DGAT1: variants seen among roughly 807,000 people sequenced by gnomAD.
DGAT1 encodes ACAT related gene product 1.
A neutral mutation model predicts 72.6 loss-of-function variants in DGAT1; 60 were observed. The observed-to-expected ratio is 0.83, with a 90% CI of 0.67 to 1.02. DGAT1 has a LOEUF of 1.02. DGAT1 is among the 50% of genes least tolerant of loss of function. The pLI, the probability that DGAT1 is intolerant of heterozygous loss-of-function variation, is 0.00. For missense variants in DGAT1, 592 were observed against 670.0 expected, an observed-to-expected ratio of 0.88 and a Z score of 1.29; for synonymous variants, 290 against 267.5, an observed-to-expected ratio of 1.08 and a Z score of -0.82.
At chr8:144,325,377 G>C (rs920401623) in intron 1 of DGAT1, among the ~76,000 whole-genome samples, 1 of 152,168 alleles carries the variant, frequency 6.6e-6, no homozygotes, top group African/African-American at 2.4e-5. Flanking sequence ...TGAGGGCCAC[G>C]ACAGTGCCTG....
At position 144,314,676 on chromosome 8, in the gene DGAT1, G is replaced by A. The variant is rs1327995702; in HGVS notation, c.*1878C>T. On this transcript the variant is annotated 3_prime_UTR_variant, in exon 17 of 17. Transcript: ENST00000528718. ...CACAGATATATACACACAGTGGATGGACGGACAAGACAGGCAGAGATCTAT... is the reference window on the plus strand; with the variant it reads ...CACAGATATATACACACAGTGGATGAACGGACAAGACAGGCAGAGATCTAT... 1.3e-5 allele frequency: 4 copies of A among 303,292 alleles called. No individual in the cohort carries two copies. Among genetic ancestry groups the A allele is most frequent in the African/African-American group, 8.4e-5 (4 of 47,852 alleles). The allele number at this position is 303,292 out of a possible 1,614,324, so 18.8% of individuals were successfully genotyped here. A position where few individuals can be genotyped will look rare whatever the true frequency, so the allele number is the denominator to read the frequency against.
Position 144,315,877 on chromosome 8 carries a change from C to A in DGAT1, c.*677G>T. 1 of 985,704 alleles carries A rather than the reference C, an allele frequency of 1.0e-6. No homozygotes were observed. Among genetic ancestry groups the A allele is most frequent in the Non-Finnish European group, 1.2e-6 (1 of 830,134 alleles). The allele number at this position is 985,704 out of a possible 1,614,324, so 61.1% of individuals were successfully genotyped here. On this transcript the variant is annotated 3_prime_UTR_variant, in exon 17 of 17. Transcript: ENST00000528718. ...ATAGCCATTGTGTACCGTAGCCCCT[C>A]GGCTCACCAGACCCACACCAGAAAG...
rs1554847800 is a variant in DGAT1, at chr8:144,319,030, G to C, written c.327C>G (p.Ile109Met). The change falls in exon 3 of 17, where the codon ATC becomes ATG. Residue 109 changes from isoleucine (I) to methionine (M), a missense_variant and splice_region_variant. Transcript: ENST00000528718. ...TGGGACCTGGCAAAGGCACTCACTT[G>C]ATGAGGTTCTCCAGAAATAACCGGG... ...SNARLFLENL[I>M]KYGILVDPIQ... is the part of the protein sequence containing the mutation. 9 of 1,558,824 alleles carry C rather than the reference G, an allele frequency of 5.8e-6. No individual in the cohort carries two copies. The South Asian group carries it at 1.1e-4, about 18-fold the overall frequency.
chr8:144,324,743 C>G (rs1257745857), intron 1 of DGAT1, among the ~76,000 whole-genome samples: 2 of 152,028 alleles, frequency 1.3e-5, no homozygotes, highest in East Asian at 3.9e-4. Flanking sequence ...TGGCCCAAAG[C>G]TGGGACTACC....
chr8:144,320,577 A>T (rs1436587570), intron 2 of DGAT1, among the ~76,000 whole-genome samples: 1 of 152,034 alleles, frequency 6.6e-6, no homozygotes, highest in Non-Finnish European at 1.5e-5. Context: ...TGAGTTGGGG[A>T]GGCTGGGCCC....
chr8:144,315,983 G>A lies in DGAT1; in HGVS notation c.*571C>T, dbSNP rs534106980. 13 of 978,992 alleles carry A rather than the reference G, an allele frequency of 1.3e-5. 1 individual carries two copies. In the South Asian group the frequency reaches 5.7e-4, roughly 43 times the overall value. The allele number at this position is 978,992 out of a possible 1,614,324, so 60.6% of individuals were successfully genotyped here. The stretch of plus-strand genomic sequence containing the variant: ...CCCAGGGCCGACCTCTTCCCAAGCT[G>A]AAGCTGAGCACGGTGGGTGCAAGTT... On this transcript the variant is annotated 3_prime_UTR_variant, in exon 17 of 17. Transcript: ENST00000528718.
intron 12 of DGAT1, 38 bp downstream of exon 12, chr8:144,317,506 C>A: frequency 6.2e-7 from 1 of 1,613,754 alleles, no homozygotes; most frequent in Non-Finnish European, 8.5e-7. Flanking sequence ...GCCACTGTCC[C>A]CTCCTGTCCT....
At chr8:144,316,735 C>A (rs367833626) in intron 16 of DGAT1, 26 bp from the exon 17 acceptor site, 1 of 1,607,592 alleles carries the variant, frequency 6.2e-7, no homozygotes, top group South Asian at 1.1e-5. Flanking sequence ...CCAAGTCAGT[C>A]GGCCATGGTG....
chr8:144,322,862 C>G (rs1554848338), intron 1 of DGAT1, among the ~76,000 whole-genome samples: 1 of 152,196 alleles, frequency 6.6e-6, no homozygotes, highest in Non-Finnish European at 1.5e-5. Context: ...GAGCCTCCCT[C>G]CTCCCCAAGT....
At chr8:144,318,608 CTGGG>C (rs1817336700) in intron 5 of DGAT1, 42 bp from the exon 6 acceptor site, 2 of 1,606,132 alleles carry the variant, frequency 1.2e-6, no homozygotes, top group African/African-American at 2.7e-5. Flanking sequence ...CTCCCATTGC[CTGGG>C]AGAGGGCTGC....
In DGAT1 at chr8:144,317,766, C is replaced by G. The variant is rs1554847388; in HGVS notation, c.894+18G>C. 6.2e-7 allele frequency: 1 copy of G among 1,613,444 alleles called. No homozygotes were observed. On this transcript the variant is annotated intron_variant, in intron 10 of 16. Transcript: ENST00000528718. ...CAGCCATGCCCAGCTACACCCAACC[C>G]TGCCCTACCCCACTTACCTGCTGGA...
intron 15 of DGAT1, 33 bp downstream of exon 15, chr8:144,316,989 G>A (rs782230110): frequency 9.3e-6 from 15 of 1,611,106 alleles, no homozygotes; most frequent in African/African-American, 1.3e-5. Context: ...CCCCTGCCCA[G>A]GGATGAGGCA....
chr8:144,315,240 G>A lies in DGAT1; in HGVS notation c.*1314C>T, dbSNP rs1267257348. Reference sequence around the variant, plus strand: ...GGAGCCCATGTGGGATGGAGGAGTCGGCCCCACACCCATCCCCCCACCAGG... The same window carrying A: ...GGAGCCCATGTGGGATGGAGGAGTCAGCCCCACACCCATCCCCCCACCAGG... On this transcript the variant is annotated 3_prime_UTR_variant, in exon 17 of 17. Transcript: ENST00000528718. 21 of 985,342 alleles carry A rather than the reference G, an allele frequency of 2.1e-5. No individual in the cohort carries two copies. The highest frequency in any genetic ancestry group is 1.8e-5 in the Non-Finnish European group (15 of 829,984). The allele number at this position is 985,342 out of a possible 1,614,324, so 61.0% of individuals were successfully genotyped here. A position where few individuals can be genotyped will look rare whatever the true frequency, so the allele number is the denominator to read the frequency against.
intron 10 of DGAT1, 31 bp from the exon 11 acceptor site, chr8:144,317,743 G>A (rs1564631022): frequency 6.2e-7 from 1 of 1,613,586 alleles, no homozygotes; most frequent in Non-Finnish European, 8.5e-7. Flanking sequence ...TCAGCTCCCA[G>A]CCATGCCCAG....
intron 1 of DGAT1, among the ~76,000 whole-genome samples, chr8:144,324,997 G>A (rs1554848625): frequency 6.6e-6 from 1 of 152,080 alleles, no homozygotes; most frequent in African/African-American, 2.4e-5. Context: ...CTGGGAGGCA[G>A]AGGTTGCAGT....
In DGAT1 at chr8:144,317,827, G is replaced by C. The variant is rs1171962022; in HGVS notation, c.856-5C>G. On this transcript the variant is annotated splice_region_variant and splice_polypyrimidine_tract_variant and intron_variant, in intron 9 of 16. Coordinates refer to ENST00000528718, the MANE Select transcript of DGAT1 (RefSeq NM_012079.6). ...CTGGAGCTGGGTGAAGAACAGCTGG[G>C]GGGGAAACAGAGAGCAGCCAGCTGA... 3.1e-6 allele frequency: 5 copies of C among 1,610,684 alleles called. No homozygotes were observed. The highest frequency in any genetic ancestry group is 2.2e-5 in the East Asian group (1 of 44,816).
chr8:144,326,575 C>T lies in DGAT1; in HGVS notation c.62G>A (p.Gly21Asp). The change falls in exon 1 of 17, where the codon GGC becomes GAC. Residue 21 changes from glycine (G) to aspartate (D), a missense_variant. Gly to Asp is a moderately conservative substitution (Grantham distance 94, BLOSUM62 -1). Transcript: ENST00000528718. ...RTGSRPSSHGGGGPAAAEEEV... is the reference protein window; with the variant it reads ...RTGSRPSSHGDGGPAAAEEEV... Reference sequence around the variant, plus strand: ...CTCTTCCGCCGCCGCAGGCCCGCCGCCGCCGTGGCTCGAGGGCCGCGACCC... The same window carrying T: ...CTCTTCCGCCGCCGCAGGCCCGCCGTCGCCGTGGCTCGAGGGCCGCGACCC... The T allele has an allele frequency of 1.6e-6, 2 of 1,249,024 alleles. No homozygotes were observed. The highest frequency in any genetic ancestry group is 3.3e-5 in the East Asian group (1 of 30,284). 77.4% of individuals were successfully genotyped at this position (1,249,024 alleles called of 1,614,324 possible).
In DGAT1 at chr8:144,314,968, C is replaced by T. The variant is rs1399408325; in HGVS notation, c.*1586G>A. ...CTGGTTGTCACAGGACCACCAGGAA[C>T]CCCCTTCCCAAGGTGTTCGCACTCG... On this transcript the variant is annotated 3_prime_UTR_variant, in exon 17 of 17. Transcript: ENST00000528718. The T allele has an allele frequency of 1.9e-5, 19 of 985,560 alleles. No homozygotes were observed. In the African/African-American group the frequency reaches 3.3e-4, roughly 17 times the overall value. The allele number at this position is 985,560 out of a possible 1,614,324, so 61.1% of individuals were successfully genotyped here.
rs1817210073 is a variant in DGAT1 at position 144,316,145 on chromosome 8, C to T, written c.*409G>A. On this transcript the variant is annotated 3_prime_UTR_variant, in exon 17 of 17. Transcript: ENST00000528718. ...GGGCGTCTGCCTGGCCTTGCACTCC[C>T]CCTACCGGCCATGCCCGCCCTGCTG... 1 of 207,012 alleles carries T rather than the reference C, an allele frequency of 4.8e-6. No homozygotes were observed. The highest frequency in any genetic ancestry group is 1.0e-4 in the South Asian group (1 of 9,928). The allele number at this position is 207,012 out of a possible 1,614,324, so 12.8% of individuals were successfully genotyped here. A position where few individuals can be genotyped will look rare whatever the true frequency, so the allele number is the denominator to read the frequency against.
Sources: allele counts gnomAD v4.1 joint callset (sites outside exome capture counted in the v4.1 genomes callset), GRCh38; gene constraint gnomAD v4.1.1; transcripts MANE v1.5; gene names NCBI Gene and HGNC (gene_info 2026-07-23, HGNC 2026-07-21).